COL21A1: variants seen among roughly 807,000 people sequenced by gnomAD.
COL21A1 encodes the protein collagen alpha-1(XXI) chain.
A neutral mutation model predicts 137.9 loss-of-function variants in COL21A1; 149 were observed. The observed-to-expected ratio is 1.08, with a 90% confidence interval of 0.95 to 1.24. The LOEUF (loss-of-function observed/expected upper bound fraction) is 1.24, where lower values mean the gene tolerates loss of function less well. Among genes scored for constraint, COL21A1 ranks in the 50% most tolerant of loss-of-function variants. The pLI is 0.00. For synonymous variants in COL21A1, 456 were observed against 391.5 expected (o/e 1.16, Z -1.95); for missense variants, 1,167 against 1,158.4 (o/e 1.01, Z -0.11).
chr6:56,200,814 T>C (rs1167896569), intron 1 of COL21A1, among the ~76,000 whole-genome samples: 3 of 152,272 alleles, frequency 2.0e-5, no homozygotes, highest in African/African-American at 7.2e-5. Flanking sequence ...TTTGGGTATA[T>C]ACCCAGTAAT....
chr6:56,213,875 C>G (rs1224978193), intron 1 of COL21A1, among the ~76,000 whole-genome samples: 1 of 151,986 alleles, frequency 6.6e-6, no homozygotes, highest in Non-Finnish European at 1.5e-5. Context: ...ATCAGCTAAA[C>G]ACCAAATAAT....
intron 1 of COL21A1, among the ~76,000 whole-genome samples, chr6:56,218,296 T>TAAA (rs11416360): frequency 0.01 from 1,505 of 148,362 alleles, 21 homozygotes; most frequent in African/African-American, 0.034. Flanking sequence ...TATGGCTTTG[T>TAAA]AAAAAAAAAA....
At chr6:56,114,344 T>A (rs866945882) in intron 16 of COL21A1, among the ~76,000 whole-genome samples, 1 of 152,282 alleles carries the variant, frequency 6.6e-6, no homozygotes, top group Middle Eastern at 3.4e-3. Flanking sequence ...ATCCCCAGCT[T>A]TAGGTGTATC....
intron 1 of COL21A1, among the ~76,000 whole-genome samples, chr6:56,183,482 T>C (rs1778048292): frequency 6.6e-6 from 1 of 152,194 alleles, no homozygotes; most frequent in Admixed American, 6.5e-5. Flanking sequence ...CTGAGGAGTC[T>C]CTGCCACGCA....
intron 16 of COL21A1, among the ~76,000 whole-genome samples, chr6:56,119,213 T>TA (rs1772227689): frequency 6.6e-6 from 1 of 152,060 alleles, no homozygotes; most frequent in Non-Finnish European, 1.5e-5. Flanking sequence ...ATTAAACTGA[T>TA]AAATTTGGTA....
chr6:56,248,986 T>C (rs1216318683), upstream of COL21A1, among the ~76,000 whole-genome samples: 1 of 152,186 alleles, frequency 6.6e-6, no homozygotes, highest in African/African-American at 2.4e-5. Context: ...TTGCATACCA[T>C]CTATACAATT....
chr6:56,339,008 T>TC (rs1282960981), intron 1 of COL21A1, among the ~76,000 whole-genome samples: 1 of 152,156 alleles, frequency 6.6e-6, no homozygotes, highest in Non-Finnish European at 1.5e-5. Flanking sequence ...AGTAGCCATT[T>TC]CCCAAGCCAA....
At chr6:56,244,696 T>C (rs533174464) in intron 1 of COL21A1, among the ~76,000 whole-genome samples, 1 of 152,316 alleles carries the variant, frequency 6.6e-6, no homozygotes, top group East Asian at 1.9e-4. Context: ...TGATTGGTAA[T>C]TAGCAGGTTA....
chr6:56,374,145 T>A (rs1444254219), intron 1 of COL21A1, among the ~76,000 whole-genome samples: 1 of 152,236 alleles, frequency 6.6e-6, no homozygotes, highest in Non-Finnish European at 1.5e-5. Flanking sequence ...ACTTTCTTTT[T>A]GGCACGACTT....
rs568714155 is a variant in COL21A1, at chr6:56,210,127, G to A, written c.-38-27471C>T. 1.6e-4 allele frequency among the ~76,000 whole-genome samples: 25 copies of A among 152,148 alleles called. No homozygotes were observed. The South Asian group carries it at 5.2e-3, about 32-fold the overall frequency. On this transcript the variant is annotated intron_variant, in intron 1 of 29. Coordinates refer to ENST00000244728, the MANE Select transcript of COL21A1 (RefSeq NM_030820.4). Reference sequence around the variant, plus strand: ...GTTGGGTGGTGGGGGGCTGGGGGAGGGGTAGCATTAGGAGGAATACCTAAC... The same window carrying A: ...GTTGGGTGGTGGGGGGCTGGGGGAGAGGTAGCATTAGGAGGAATACCTAAC...
At position 56,101,509 on chromosome 6, in the gene COL21A1, G is replaced by A; in HGVS notation, c.1775C>T (p.Pro592Leu). Residue 592 changes from proline (P) to leucine (L), a missense_variant, in exon 17 of 30, where the codon CCT (proline) becomes CTT (leucine). Physicochemically the swap from Pro to Leu is moderately conservative, Grantham distance 98 (BLOSUM62 -3). Coordinates refer to ENST00000244728, the MANE Select transcript of COL21A1 (RefSeq NM_030820.4). The stretch of plus-strand genomic sequence containing the variant: ...TGTTCCATCCTGCCCCGGAGCACCA[G>A]GGGATCCTGCTTCTCCCTTTTAATG... ...SPGFKGEAGS[P>L]GAPGQDGTRG... 11 of 1,592,552 alleles carry A rather than the reference G, an allele frequency of 6.9e-6. No homozygotes were observed. The highest frequency in any genetic ancestry group is 9.4e-6 in the Non-Finnish European group (11 of 1,168,300).
chr6:56,135,741 AAC>A (rs1351248450), intron 12 of COL21A1, among the ~76,000 whole-genome samples: 1 of 152,212 alleles, frequency 6.6e-6, no homozygotes, highest in Non-Finnish European at 1.5e-5. Context: ...ATTTGATAAA[AAC>A]AGTCCCTACA....
chr6:56,185,112 A>G (rs1778178270), intron 1 of COL21A1, among the ~76,000 whole-genome samples: 15 of 152,064 alleles, frequency 9.9e-5, no homozygotes, highest in Admixed American at 9.8e-4. Flanking sequence ...AAAAGCATAT[A>G]TTAAAAAAAA....
At chr6:56,204,366 A>C (rs1779615025) in intron 1 of COL21A1, among the ~76,000 whole-genome samples, 3 of 152,104 alleles carry the variant, frequency 2.0e-5, no homozygotes, top group African/African-American at 7.2e-5. Context: ...GGGAAGTTCA[A>C]ACTGGGAGGA....
intron 1 of COL21A1, among the ~76,000 whole-genome samples, chr6:56,223,753 A>G (rs1025232550): frequency 6.6e-6 from 1 of 152,142 alleles, no homozygotes; most frequent in Non-Finnish European, 1.5e-5. Flanking sequence ...ATCATTAGCT[A>G]TTGCCAGAGT....
At chr6:56,308,996 T>A (rs1049942260) in intron 1 of COL21A1, among the ~76,000 whole-genome samples, 1 of 152,116 alleles carries the variant, frequency 6.6e-6, no homozygotes, top group African/African-American at 2.4e-5. Context: ...ATTCAGAGAC[T>A]TCCATTTGAC....
intron 1 of COL21A1, among the ~76,000 whole-genome samples, chr6:56,221,566 T>A (rs1010944929): frequency 2.0e-5 from 3 of 151,966 alleles, no homozygotes; most frequent in Admixed American, 6.6e-5. Flanking sequence ...CTATAAAAAA[T>A]TTTTAAAAGT....
At chr6:56,128,592 A>G (rs1773239278) in intron 12 of COL21A1, among the ~76,000 whole-genome samples, 1 of 152,224 alleles carries the variant, frequency 6.6e-6, no homozygotes, top group Admixed American at 6.5e-5. Context: ...TCTGGAGGCC[A>G]CGTAGAGAAA....
At chr6:56,215,042 C>T (rs959409529) in intron 1 of COL21A1, among the ~76,000 whole-genome samples, 11 of 152,036 alleles carry the variant, frequency 7.2e-5, no homozygotes, top group African/African-American at 2.7e-4. Flanking sequence ...TTCACAAATG[C>T]TTAACGTCCT....
Sources: gnomAD v4.1 joint callset for allele counts (sites outside exome capture counted in the v4.1 genomes callset) on GRCh38, gnomAD v4.1.1 for gene constraint, MANE v1.5 for transcripts, NCBI Gene and HGNC (gene_info 2026-07-23, HGNC 2026-07-21) for gene names.